The following RALYL variants were observed in gnomAD, a reference collection of about 807,000 sequenced individuals.
RALYL encodes RALY RNA binding protein like.
Under a neutral mutation model 35.1 loss-of-function variants are expected in RALYL, and 29 were observed. The observed-to-expected ratio is 0.83, with a 90% CI of 0.61 to 1.13. RALYL has a LOEUF of 1.13. Among genes scored for constraint, RALYL ranks in the 50% most tolerant of loss-of-function variants. RALYL has a pLI of 0.00. For synonymous variants in RALYL, 120 were observed against 127.6 expected (o/e 0.94, Z 0.40); for missense variants, 359 against 360.4 (o/e 1.00, Z 0.03).
At chr8:84,913,056 A>G (rs1174396552) in intron 8 of RALYL, among the ~76,000 whole-genome samples, 13 of 151,296 alleles carry the variant, frequency 8.6e-5, no homozygotes, top group African/African-American at 2.7e-4. Context: ...AGATAGATAG[A>G]TAGATAGATA....
intron 2 of RALYL, among the ~76,000 whole-genome samples, chr8:84,638,704 T>A (rs563362602): frequency 2.6e-5 from 4 of 150,958 alleles, no homozygotes; most frequent in Non-Finnish European, 5.9e-5. Flanking sequence ...CTATGCAGTG[T>A]ACAGTGGCAA....
At chr8:84,485,059 T>G (rs908781073) in intron 1 of RALYL, among the ~76,000 whole-genome samples, 5 of 152,188 alleles carry the variant, frequency 3.3e-5, no homozygotes, top group African/African-American at 4.8e-5. Flanking sequence ...CTTACCTCTC[T>G]GCCGCCGCCT....
intron 1 of RALYL, among the ~76,000 whole-genome samples, chr8:84,281,456 G>T (rs867634210): frequency 2.0e-5 from 3 of 151,814 alleles, no homozygotes; most frequent in African/African-American, 7.3e-5. Context: ...ATGAATGAAA[G>T]AATTTAATGC....
At position 84,185,226 on chromosome 8, in the gene RALYL, C is replaced by T. The variant is rs1284624315; in HGVS notation, c.-24+802C>T. On this transcript the variant is annotated intron_variant, in intron 1 of 8. Coordinates refer to ENST00000521268, the MANE Select transcript of RALYL (RefSeq NM_173848.7). ...GTTAGTTTGCAGTAATGACCCTACACCTCTAAGGTATTAAAAAAATGCCTT... is the reference window on the plus strand; with the variant it reads ...GTTAGTTTGCAGTAATGACCCTACATCTCTAAGGTATTAAAAAAATGCCTT... The T allele has an allele frequency of 6.7e-6, 4 of 598,158 alleles. No individual in the cohort carries two copies. In the Admixed American group the frequency reaches 1.2e-4, roughly 18 times the overall value. The allele number at this position is 598,158 out of a possible 1,614,324, so 37.1% of individuals were successfully genotyped here. A position where few individuals can be genotyped will look rare whatever the true frequency, so the allele number is the denominator to read the frequency against.
chr8:84,679,852 C>CT (rs1031038105), intron 2 of RALYL: 30 of 369,006 alleles, frequency 8.1e-5, no homozygotes, highest in Non-Finnish European at 9.4e-5. Context: ...TATTTTTTTT[C>CT]TTTTTTTTAA....
rs148564307 is a variant in RALYL at position 84,220,216 on chromosome 8, A to G, written c.-24+35792A>G. Among the ~76,000 whole-genome samples, 961 of 152,214 alleles carry G rather than the reference A, an allele frequency of 6.3e-3. 9 individuals carry two copies. The highest frequency in any genetic ancestry group is 0.022 in the African/African-American group (901 of 41,560). ...ATTAATGCTGCTACAGTTGTAAACAATTATGGGATCTTAAGTTCTTTAAGA... is the reference window on the plus strand; with the variant it reads ...ATTAATGCTGCTACAGTTGTAAACAGTTATGGGATCTTAAGTTCTTTAAGA... On this transcript the variant is annotated intron_variant, in intron 1 of 8. Coordinates refer to ENST00000521268, the MANE Select transcript of RALYL (RefSeq NM_173848.7).
rs76503250 is a variant in RALYL at position 84,573,890 on chromosome 8, C to T, written c.256+44313C>T. Among the ~76,000 whole-genome samples the T allele has an allele frequency of 4.6e-3, 706 of 151,914 alleles. 4 individuals carry two copies. The highest frequency in any genetic ancestry group is 0.013 in the South Asian group (65 of 4,820). On this transcript the variant is annotated intron_variant, in intron 2 of 8. Coordinates refer to ENST00000521268, the MANE Select transcript of RALYL (RefSeq NM_173848.7). ...TTTATATACTTTTCATTTCTCTCTTCGTTATTTTTATGCTTTTCTTTTAAT... is the reference window on the plus strand; with the variant it reads ...TTTATATACTTTTCATTTCTCTCTTTGTTATTTTTATGCTTTTCTTTTAAT...
At chr8:84,845,279 A>G (rs976896821) in intron 4 of RALYL, among the ~76,000 whole-genome samples, 1 of 152,192 alleles carries the variant, frequency 6.6e-6, no homozygotes, top group Non-Finnish European at 1.5e-5. Flanking sequence ...TTTCTGCTAC[A>G]CAGTAAATAC....
intron 2 of RALYL, among the ~76,000 whole-genome samples, chr8:84,660,000 A>G (rs913088031): frequency 2.6e-5 from 4 of 152,154 alleles, no homozygotes; most frequent in African/African-American, 7.2e-5. Context: ...TACAATGATT[A>G]CCAATAGGGA....
At chr8:84,832,274 A>T (rs1373446544) in intron 4 of RALYL, among the ~76,000 whole-genome samples, 1 of 152,102 alleles carries the variant, frequency 6.6e-6, no homozygotes, top group South Asian at 2.1e-4. Flanking sequence ...ATCTCTTTTA[A>T]TTTGTTTTTG....
intron 2 of RALYL, among the ~76,000 whole-genome samples, chr8:84,701,168 A>G (rs1247611086): frequency 1.3e-5 from 2 of 151,972 alleles, no homozygotes; most frequent in African/African-American, 4.8e-5. Context: ...CCTGATAAAC[A>G]TTTTCTGTTC....
At chr8:84,423,514 CTG>C (rs1423867632) in intron 1 of RALYL, among the ~76,000 whole-genome samples, 2 of 152,068 alleles carry the variant, frequency 1.3e-5, no homozygotes, top group Non-Finnish European at 2.9e-5. Flanking sequence ...ATTTGCCAGT[CTG>C]TGTCTTTTAA....
At chr8:84,243,856 T>C (rs2131594891) in intron 1 of RALYL, among the ~76,000 whole-genome samples, 1 of 152,248 alleles carries the variant, frequency 6.6e-6, no homozygotes, top group Middle Eastern at 3.4e-3. Context: ...CACTATAAGT[T>C]AGGAGTCTGG....
chr8:84,322,147 C>T (rs1175488681), intron 1 of RALYL, among the ~76,000 whole-genome samples: 1 of 151,980 alleles, frequency 6.6e-6, no homozygotes, highest in Non-Finnish European at 1.5e-5. Context: ...ATATAATTGA[C>T]CCAAATAGCA....
chr8:84,520,626 G>A (rs753345053), intron 1 of RALYL, among the ~76,000 whole-genome samples: 7 of 152,194 alleles, frequency 4.6e-5, no homozygotes, highest in South Asian at 2.1e-4. Flanking sequence ...GTGAGTGGCC[G>A]GTGAGGCACC....
rs1012378598 is a variant in RALYL at position 84,527,691 on chromosome 8, TA to T, written c.-23-1601del. Among the ~76,000 whole-genome samples the T allele has an allele frequency of 5.3e-5, 8 of 152,222 alleles. No individual in the cohort carries two copies. The East Asian group carries it at 1.5e-3, about 29-fold the overall frequency. ...ATATACAATATCTCAAATTGCAAGATAAAAAAATATATATCAACTTTTCTTT... is the reference window on the plus strand; with the variant it reads ...ATATACAATATCTCAAATTGCAAGATAAAAAATATATATCAACTTTTCTTT... On this transcript the variant is annotated intron_variant, in intron 1 of 8. Coordinates refer to ENST00000521268, the MANE Select transcript of RALYL (RefSeq NM_173848.7).
intron 2 of RALYL, among the ~76,000 whole-genome samples, chr8:84,744,153 A>T (rs1419514963): frequency 6.6e-6 from 1 of 152,012 alleles, no homozygotes; most frequent in Non-Finnish European, 1.5e-5. Flanking sequence ...TGGGCAGGAG[A>T]TAGTTAGATA....
chr8:84,389,894 G>T (rs1233697962), intron 1 of RALYL, among the ~76,000 whole-genome samples: 1 of 151,454 alleles, frequency 6.6e-6, no homozygotes, highest in Non-Finnish European at 1.5e-5. Flanking sequence ...AATAGGAGTG[G>T]TGAGAGAGGG....
chr8:84,661,629 T>C (rs1830935086), intron 2 of RALYL, among the ~76,000 whole-genome samples: 1 of 143,044 alleles, frequency 7.0e-6, no homozygotes, highest in African/African-American at 2.5e-5. Context: ...TTTTATTTAT[T>C]TTATTTATTT....
Sources: allele counts gnomAD v4.1 joint callset (sites outside exome capture counted in the v4.1 genomes callset), GRCh38; gene constraint gnomAD v4.1.1; transcripts MANE v1.5; gene names NCBI Gene and HGNC (gene_info 2026-07-23, HGNC 2026-07-21).